The following CELF2 variants were observed in gnomAD, a reference collection of about 807,000 sequenced individuals.
CELF2 encodes CUGBP Elav-like family member 2, also known as CUG triplet repeat RNA-binding protein 2.
Under a neutral mutation model 62.6 loss-of-function variants are expected in CELF2, and 8 were observed. That is an observed-to-expected ratio of 0.13 (90% CI 0.07 to 0.23). The LOEUF (loss-of-function observed/expected upper bound fraction) is 0.23, where lower values mean the gene tolerates loss of function less well. Among genes scored for constraint, CELF2 ranks in the 10% least tolerant of loss-of-function variants. The pLI is 1.00. For missense variants in CELF2, 333 were observed against 671.0 expected (o/e 0.50, Z 5.56); for synonymous variants, 258 against 250.0 (o/e 1.03, Z -0.30).
intron 1 of CELF2, among the ~76,000 whole-genome samples, chr10:11,056,390 T>C (rs563565331): frequency 2.6e-5 from 4 of 152,374 alleles, no homozygotes; most frequent in East Asian, 1.9e-4. Flanking sequence ...GCTTGCTCTG[T>C]AGTTGATAAT....
chr10:10,675,310 A>G, the CELF2 span, among the ~76,000 whole-genome samples: 1 of 151,790 alleles, frequency 6.6e-6, no homozygotes, highest in African/African-American at 2.4e-5. Flanking sequence ...GTTTCACTTG[A>G]CTCTTTTTTT....
At chr10:10,986,257 A>G (rs2052736750) in intron 2 of CELF2, among the ~76,000 whole-genome samples, 1 of 152,212 alleles carries the variant, frequency 6.6e-6, no homozygotes, top group Non-Finnish European at 1.5e-5. Context: ...TTTTCATATA[A>G]TTTGCTAGAA....
chr10:10,573,909 T>C, the CELF2 span, among the ~76,000 whole-genome samples: 1 of 152,238 alleles, frequency 6.6e-6, no homozygotes, highest in African/African-American at 2.4e-5. Context: ...ATATTTTTAT[T>C]TATATATTAT....
the CELF2 span, among the ~76,000 whole-genome samples, chr10:10,652,053 G>A: frequency 6.7e-6 from 1 of 148,672 alleles, no homozygotes; most frequent in South Asian, 2.3e-4. Flanking sequence ...GAAAACTAAG[G>A]CTCGAGAACT....
chr10:10,530,445 C>T, the CELF2 span, among the ~76,000 whole-genome samples: 73,878 of 152,008 alleles, frequency 0.49, 18,730 homozygotes, highest in South Asian at 0.65. Flanking sequence ...GTTTAGTAAA[C>T]GTTATCAATC....
the CELF2 span, among the ~76,000 whole-genome samples, chr10:10,496,756 C>A: frequency 9.9e-5 from 15 of 152,156 alleles, no homozygotes; most frequent in East Asian, 1.4e-3. Flanking sequence ...CCCTACAGGA[C>A]CTGGGGTGCT....
At chr10:10,747,770 G>A in the CELF2 span, among the ~76,000 whole-genome samples, 20 of 152,114 alleles carry the variant, frequency 1.3e-4, no homozygotes, top group Non-Finnish European at 2.2e-4. Flanking sequence ...GCAGTGGCAC[G>A]ATCTCGGCTC....
chr10:10,741,445 AGGTGCGCCACTG>A, the CELF2 span, among the ~76,000 whole-genome samples: 1 of 127,730 alleles, frequency 7.8e-6, no homozygotes, highest in Non-Finnish European at 1.6e-5. Flanking sequence ...CGGGAGGGAG[AGGTGCGCCACTG>A]CACTCCAGCC....
At chr10:10,676,747 G>A in the CELF2 span, among the ~76,000 whole-genome samples, 1 of 152,142 alleles carries the variant, frequency 6.6e-6, no homozygotes, top group African/African-American at 2.4e-5. Flanking sequence ...GGAGGGCAGA[G>A]GTTTGTCCTG....
chr10:11,252,544 C>T (rs750129532), intron 4 of CELF2, among the ~76,000 whole-genome samples: 6 of 152,166 alleles, frequency 3.9e-5, no homozygotes, highest in Non-Finnish European at 7.3e-5. Flanking sequence ...GTCCATCGAG[C>T]GATTCTGAGA....
upstream of CELF2, among the ~76,000 whole-genome samples, chr10:10,795,772 C>G (rs2131400934): frequency 6.6e-6 from 1 of 152,198 alleles, no homozygotes; most frequent in East Asian, 1.9e-4. Flanking sequence ...GCAAAATATT[C>G]TGCCCTTCTT....
chr10:10,836,643 T>C (rs2132391352), intron 1 of CELF2, among the ~76,000 whole-genome samples: 1 of 152,284 alleles, frequency 6.6e-6, no homozygotes, highest in African/African-American at 2.4e-5. Context: ...CTTATTTTAT[T>C]TTATTTTATT....
chr10:11,265,894 T>C (rs2082077699), intron 5 of CELF2, among the ~76,000 whole-genome samples: 1 of 152,256 alleles, frequency 6.6e-6, no homozygotes, highest in African/African-American at 2.4e-5. Flanking sequence ...GAAGATTTTA[T>C]GCAAATAAAT....
At position 11,334,062 on chromosome 10, in the gene CELF2, A is replaced by G. The variant is rs1396664973; in HGVS notation, c.*5009A>G. The G allele has an allele frequency of 1.3e-5, 2 of 152,640 alleles. No homozygotes were observed. The highest frequency in any genetic ancestry group is 2.1e-4 in the South Asian group (1 of 4,836). The allele number at this position is 152,640 out of a possible 1,614,324, so 9.5% of individuals were successfully genotyped here. On this transcript the variant is annotated 3_prime_UTR_variant, in exon 13 of 13. Coordinates refer to ENST00000633077, the MANE Select transcript of CELF2 (RefSeq NM_001326342.2). ...TTTTTTCCCTTTGCTTATATCTAGC[A>G]TTAGAATTTTGTCTTAAAATAACAG...
chr10:10,662,504 T>C, the CELF2 span, among the ~76,000 whole-genome samples: 1 of 152,026 alleles, frequency 6.6e-6, no homozygotes, highest in Non-Finnish European at 1.5e-5. Context: ...TCACCCTGTG[T>C]CCTGGCAGGT....
At chr10:10,639,232 T>C in the CELF2 span, among the ~76,000 whole-genome samples, 1 of 152,226 alleles carries the variant, frequency 6.6e-6, no homozygotes, top group Non-Finnish European at 1.5e-5. Flanking sequence ...GTGTCTTGAG[T>C]ATTTTTAATA....
chr10:10,777,818 C>G, the CELF2 span, among the ~76,000 whole-genome samples: 16 of 152,250 alleles, frequency 1.1e-4, no homozygotes, highest in African/African-American at 3.9e-4. Flanking sequence ...ACCTCTCTCC[C>G]TTATCACTTC....
At chr10:10,680,438 G>A in the CELF2 span, among the ~76,000 whole-genome samples, 1 of 152,228 alleles carries the variant, frequency 6.6e-6, no homozygotes, top group Non-Finnish European at 1.5e-5. Context: ...AGTTCCAAGA[G>A]CGAGGCTTCT....
chr10:11,119,254 A>T (rs920041420), intron 1 of CELF2, among the ~76,000 whole-genome samples: 1 of 152,212 alleles, frequency 6.6e-6, no homozygotes, highest in Admixed American at 6.5e-5. Flanking sequence ...GCTTGATAAA[A>T]TAGAGCAATA....
Sources: allele counts gnomAD v4.1 joint callset (sites outside exome capture counted in the v4.1 genomes callset), GRCh38; gene constraint gnomAD v4.1.1; transcripts MANE v1.5; gene names NCBI Gene and HGNC (gene_info 2026-07-23, HGNC 2026-07-21).